SLC25A26: variants seen among roughly 807,000 people sequenced by gnomAD.
SLC25A26 encodes solute carrier family 25 member 26.
In SLC25A26, 36 loss-of-function variants were observed where a neutral mutation model predicts 37.8. The ratio of observed to expected loss-of-function variants is 0.95; its 90% confidence interval spans 0.73 to 1.26. The LOEUF is 1.26. Ranked by LOEUF, SLC25A26 falls within the 50% of genes most tolerant of loss-of-function variation. The probability of loss-of-function intolerance (pLI) is 0.00; values close to 1 mark genes in which losing one functional copy is unlikely to be tolerated. For missense variants in SLC25A26, 390 were observed against 331.1 expected (o/e 1.18, Z -1.38); for synonymous variants, 129 against 122.5 (o/e 1.05, Z -0.35).
At chr3:66,335,595 C>T (rs1559712249) in intron 5 of SLC25A26, among the ~76,000 whole-genome samples, 2 of 152,200 alleles carry the variant, frequency 1.3e-5, no homozygotes, top group Admixed American at 6.5e-5. Context: ...CTTATCCCCT[C>T]CCTTTTCTTC....
chr3:66,278,000 G>A (rs942564665), intron 5 of SLC25A26, among the ~76,000 whole-genome samples: 12 of 152,088 alleles, frequency 7.9e-5, no homozygotes, highest in African/African-American at 2.9e-4. Context: ...TAAATGCAGT[G>A]TAGGATCCTG....
intron 1 of SLC25A26, among the ~76,000 whole-genome samples, chr3:66,209,827 A>C (rs1226811560): frequency 7.6e-6 from 1 of 131,462 alleles, no homozygotes; most frequent in Non-Finnish European, 1.6e-5. Context: ...ATACACACAC[A>C]CACACCTTAT....
intron 1 of SLC25A26, among the ~76,000 whole-genome samples, chr3:66,177,206 C>A (rs917955435): frequency 6.6e-6 from 1 of 152,186 alleles, no homozygotes; most frequent in Non-Finnish European, 1.5e-5. Flanking sequence ...ATACGCTGGG[C>A]ACCACAGTGA....
At chr3:66,352,949 A>C (rs1254630460) in intron 6 of SLC25A26, among the ~76,000 whole-genome samples, 1 of 152,212 alleles carries the variant, frequency 6.6e-6, no homozygotes, top group East Asian at 1.9e-4. Flanking sequence ...ATTTTAATAA[A>C]TTAGTTTATT....
At chr3:66,148,365 A>T (rs1458574519) in intron 1 of SLC25A26, among the ~76,000 whole-genome samples, 1 of 152,138 alleles carries the variant, frequency 6.6e-6, no homozygotes, top group Non-Finnish European at 1.5e-5. Flanking sequence ...AGCTGTTACC[A>T]CCCGTAGACA....
chr3:66,202,231 A>G (rs938045956), intron 1 of SLC25A26, among the ~76,000 whole-genome samples: 3 of 152,142 alleles, frequency 2.0e-5, no homozygotes, highest in Non-Finnish European at 4.4e-5. Context: ...TAAAGCTGGA[A>G]GCCATCATTC....
intron 5 of SLC25A26, among the ~76,000 whole-genome samples, chr3:66,309,923 G>A (rs1372386080): frequency 6.6e-6 from 1 of 152,120 alleles, no homozygotes; most frequent in East Asian, 1.9e-4. Flanking sequence ...TTCCATTTAT[G>A]TGGTCGATTT....
chr3:66,145,081 T>G (rs2070095888), intron 1 of SLC25A26, among the ~76,000 whole-genome samples: 1 of 152,042 alleles, frequency 6.6e-6, no homozygotes, highest in Non-Finnish European at 1.5e-5. Flanking sequence ...AATCAATGGA[T>G]TGGAAAACTG....
intron 1 of SLC25A26, among the ~76,000 whole-genome samples, chr3:66,158,900 C>G (rs2070319690): frequency 2.0e-5 from 3 of 152,098 alleles, no homozygotes; most frequent in African/African-American, 4.8e-5. Flanking sequence ...GCAGGATGCA[C>G]TGGGATCCAA....
chr3:66,210,669 T>C (rs1174536847), intron 1 of SLC25A26, among the ~76,000 whole-genome samples: 2 of 152,124 alleles, frequency 1.3e-5, no homozygotes, highest in African/African-American at 4.8e-5. Flanking sequence ...CAGGCCAACA[T>C]GCGAGGCTAA....
chr3:66,324,065 C>T (rs1482064076), intron 5 of SLC25A26: 1 of 151,960 alleles, frequency 6.6e-6, no homozygotes, highest in African/African-American at 2.4e-5. Context: ...CAGAGTAGGT[C>T]AAAACTCCCA....
At chr3:66,221,241 G>T in intron 1 of SLC25A26, 114 bp downstream of exon 1, 1 of 1,162,542 alleles carries the variant, frequency 8.6e-7, no homozygotes, top group Non-Finnish European at 1.2e-6. Context: ...CTGTCCTCGG[G>T]TTACTGGCAG....
chr3:66,302,464 A>G (rs927361616), intron 5 of SLC25A26, among the ~76,000 whole-genome samples: 1 of 150,062 alleles, frequency 6.7e-6, no homozygotes, highest in Non-Finnish European at 1.5e-5. Context: ...AGTCCCTGCC[A>G]CTTCCTGTTG....
chr3:66,277,818 A>T (rs2074208295), intron 5 of SLC25A26, among the ~76,000 whole-genome samples: 1 of 152,144 alleles, frequency 6.6e-6, no homozygotes, highest in African/African-American at 2.4e-5. Context: ...ACCAAGAAGG[A>T]CACAATGTCA....
chr3:66,262,202 A>G (rs1375807980), intron 4 of SLC25A26, 47 bp downstream of exon 4: 2 of 1,005,608 alleles, frequency 2.0e-6, no homozygotes, highest in Admixed American at 5.1e-5. Flanking sequence ...AAGATTTTAT[A>G]GTAGCTAATA....
chr3:66,219,573 G>C (rs1442135056), upstream of SLC25A26, among the ~76,000 whole-genome samples: 7 of 152,140 alleles, frequency 4.6e-5, 1 homozygote, highest in East Asian at 1.3e-3. Context: ...TTAGGGAAAG[G>C]TATTCTGGGT....
intron 1 of SLC25A26, among the ~76,000 whole-genome samples, chr3:66,235,902 G>A (rs2072256102): frequency 6.6e-6 from 1 of 152,080 alleles, no homozygotes; most frequent in South Asian, 2.1e-4. Context: ...AAGTTTATTT[G>A]TTGTTCTTGT....
chr3:66,354,906 C>T (rs2076540618), intron 6 of SLC25A26, among the ~76,000 whole-genome samples: 1 of 152,190 alleles, frequency 6.6e-6, no homozygotes, highest in South Asian at 2.1e-4. Context: ...TTGCCTTCTG[C>T]CATAATTGTG....
At chr3:66,202,570 C>T (rs1453483856) in intron 1 of SLC25A26, among the ~76,000 whole-genome samples, 1 of 147,044 alleles carries the variant, frequency 6.8e-6, no homozygotes, top group Non-Finnish European at 1.5e-5. Context: ...AATCTATTGG[C>T]AAAGTTGACC....
Sources: allele counts gnomAD v4.1 joint callset (sites outside exome capture counted in the v4.1 genomes callset), GRCh38; gene constraint gnomAD v4.1.1; transcripts MANE v1.5; gene names NCBI Gene and HGNC (gene_info 2026-07-23, HGNC 2026-07-21).